VSX2: variants seen among roughly 807,000 people sequenced by gnomAD.
The protein encoded by VSX2 is ceh-10 homeo domain containing homolog.
Under a neutral mutation model 32.1 loss-of-function variants are expected in VSX2, and 28 were observed. The ratio of observed to expected loss-of-function variants is 0.87; its 90% CI spans 0.65 to 1.20. VSX2 has a LOEUF of 1.20. Ranked by LOEUF, VSX2 falls within the 50% of genes most tolerant of loss-of-function variation. The probability of loss-of-function intolerance (pLI) is 0.00; values close to 1 mark genes in which losing one functional copy is unlikely to be tolerated. For missense variants in VSX2, 506 were observed against 488.7 expected (o/e 1.04, Z -0.33); for synonymous variants, 243 against 214.1 (o/e 1.14, Z -1.18).
intron 3 of VSX2, among the ~76,000 whole-genome samples, chr14:74,254,783 G>GTTTTTTT (rs1566887118): frequency 1.4e-5 from 1 of 72,388 alleles, no homozygotes; most frequent in African/African-American, 1.0e-4. Context: ...CCGAAAAGTG[G>GTTTTTTT]ATTTTTTTTT....
At chr14:74,248,411 G>C (rs186169240) in intron 3 of VSX2, among the ~76,000 whole-genome samples, 10 of 151,612 alleles carry the variant, frequency 6.6e-5, no homozygotes, top group Admixed American at 5.3e-4. Context: ...TCCTGGCCAG[G>C]TGCAGGGGCT....
chr14:74,256,569 C>T (rs2079263929), intron 3 of VSX2, among the ~76,000 whole-genome samples: 1 of 152,162 alleles, frequency 6.6e-6, no homozygotes, highest in Non-Finnish European at 1.5e-5. Flanking sequence ...AACCAAACCT[C>T]TCCAGCCCTC....
intron 3 of VSX2, among the ~76,000 whole-genome samples, chr14:74,251,441 ACT>A (rs999344195): frequency 9.2e-5 from 14 of 152,120 alleles, no homozygotes; most frequent in African/African-American, 2.4e-4. Flanking sequence ...CAAGAGCGAA[ACT>A]CTGTCTCAAA....
intron 2 of VSX2, among the ~76,000 whole-genome samples, chr14:74,241,575 C>T (rs2079150538): frequency 6.6e-6 from 1 of 152,238 alleles, no homozygotes; most frequent in Non-Finnish European, 1.5e-5. Flanking sequence ...CCCAGATCCC[C>T]GCACCAGTAC....
intron 4 of VSX2, 27 bp downstream of exon 4, chr14:74,259,809 C>T (rs746054121): frequency 6.9e-7 from 1 of 1,455,380 alleles, no homozygotes; most frequent in Non-Finnish European, 9.0e-7. Context: ...TCCTTGGGGT[C>T]CTGCCCTGCG....
chr14:74,240,755 C>G (rs1206536297), intron 1 of VSX2, among the ~76,000 whole-genome samples: 4 of 152,242 alleles, frequency 2.6e-5, no homozygotes, highest in Non-Finnish European at 4.4e-5. Flanking sequence ...CGGCAGCCCC[C>G]AGTCTTCCCG....
rs746144260 is a variant in VSX2 at position 74,239,733 on chromosome 14, C to T, written c.172C>T (p.Pro58Ser). The T allele has an allele frequency of 3.9e-6, 6 of 1,549,014 alleles. No individual in the cohort carries two copies. The African/African-American group carries it at 6.8e-5, about 18-fold the overall frequency. ...HPRAALDGLA[P>S]GHLLAARSVL... ...GCGGGCAGCGCTCGACGGCCTGGCC[C>T]CCGGGCACTTGCTGGCGGCGCGCTC... The change falls in exon 1 of 5, where the codon CCC becomes TCC. Residue 58 changes from proline to serine, a missense_variant. Transcript: ENST00000261980.
At chr14:74,239,970 G>A (rs1051835018) in intron 1 of VSX2, 39 bp downstream of exon 1, 8 of 1,542,764 alleles carry the variant, frequency 5.2e-6, no homozygotes, top group Non-Finnish European at 7.0e-6. Flanking sequence ...TGACTGGGGG[G>A]CGACAGCCGG....
chr14:74,257,363 T>G (rs1239346774), intron 3 of VSX2, among the ~76,000 whole-genome samples: 2 of 152,162 alleles, frequency 1.3e-5, no homozygotes, highest in Non-Finnish European at 2.9e-5. Flanking sequence ...AGCCCCCCAG[T>G]TTTGCGCGGG....
Position 74,240,071 on chromosome 14 carries a change from C to G in VSX2, c.370+140C>G, listed in dbSNP as rs959092950. The G allele has an allele frequency of 5.2e-6, 6 of 1,156,944 alleles. No individual in the cohort carries two copies. In the African/African-American group the frequency reaches 9.5e-5, roughly 18 times the overall value. The allele number at this position is 1,156,944 out of a possible 1,614,324, so 71.7% of individuals were successfully genotyped here. On this transcript the variant is annotated intron_variant, in intron 1 of 4. Transcript: ENST00000261980. The stretch of plus-strand genomic sequence containing the variant: ...CGGGGGTCGCCGCCTGGGCCTTGGG[C>G]CGACGCGCCTGGTGATGGGGCCCGG...
intron 3 of VSX2, 120 bp downstream of exon 3, chr14:74,245,408 A>T: frequency 7.2e-7 from 1 of 1,394,604 alleles, no homozygotes; most frequent in Non-Finnish European, 9.9e-7. Context: ...GTGCTTGCCT[A>T]TGATCATGTT....
intron 2 of VSX2, among the ~76,000 whole-genome samples, 157 bp from the exon 3 acceptor site, chr14:74,245,000 GAGAGAGAC>G (rs1360434523): frequency 1.6e-5 from 2 of 127,698 alleles, no homozygotes; most frequent in Admixed American, 7.9e-5. Flanking sequence ...GAGAGAGAGA[GAGAGAGAC>G]AGAGAGAGAG....
At chr14:74,245,888 G>C (rs952212950) in intron 3 of VSX2, among the ~76,000 whole-genome samples, 9 of 152,226 alleles carry the variant, frequency 5.9e-5, no homozygotes, top group African/African-American at 2.2e-4. Flanking sequence ...TAGGATGTGA[G>C]CTGGGGCATG....
At chr14:74,257,110 AACACAGCTAGTCGGGC>A (rs1398562868) in intron 3 of VSX2, among the ~76,000 whole-genome samples, 3 of 152,184 alleles carry the variant, frequency 2.0e-5, no homozygotes, top group Admixed American at 6.5e-5. Flanking sequence ...GGCCCCGGGT[AACACAGCTAGTCGGGC>A]ACACATCCTG....
At chr14:74,242,957 G>C (rs979832799) in intron 2 of VSX2, among the ~76,000 whole-genome samples, 2 of 152,148 alleles carry the variant, frequency 1.3e-5, no homozygotes, top group East Asian at 3.8e-4. Flanking sequence ...ACCTTTGGGG[G>C]TTTTGGTGGG....
intron 1 of VSX2, 127 bp from the exon 2 acceptor site, chr14:74,241,055 G>T (rs1015208133): frequency 2.9e-5 from 27 of 946,582 alleles, no homozygotes; most frequent in South Asian, 2.0e-4. Flanking sequence ...GCGCCCGCAG[G>T]CTTCCTGGGG....
At chr14:74,241,049 C>T in intron 1 of VSX2, 133 bp from the exon 2 acceptor site, 1 of 886,938 alleles carries the variant, frequency 1.1e-6, no homozygotes, top group Non-Finnish European at 1.8e-6. Context: ...ACCGGGGCGC[C>T]CGCAGGCTTC....
intron 3 of VSX2, among the ~76,000 whole-genome samples, chr14:74,256,582 TG>T (rs1332855403): frequency 6.6e-6 from 1 of 151,998 alleles, no homozygotes; most frequent in Non-Finnish European, 1.5e-5. Flanking sequence ...CAGCCCTCTG[TG>T]GTCACACTTG....
In VSX2 at chr14:74,239,690, G is replaced by A; in HGVS notation, c.129G>A (p.Glu43=). ...AGGAGATCCTGGGCTTGAACAAGGA[G>A]CCCCCGAGCTCCCACCCGCGGGCAG... The part of the protein sequence containing the change: ...GIQEILGLNK[E]PPSSHPRAAL... Residue 43 remains glutamate (E), a synonymous_variant, in exon 1 of 5, where the codon GAG becomes GAA. Coordinates refer to ENST00000261980, the MANE Select transcript of VSX2 (RefSeq NM_182894.3). 1 of 1,550,018 alleles carries A rather than the reference G, an allele frequency of 6.5e-7. No individual in the cohort carries two copies.
Sources: allele counts gnomAD v4.1 joint callset (sites outside exome capture counted in the v4.1 genomes callset), GRCh38; gene constraint gnomAD v4.1.1; transcripts MANE v1.5; gene names NCBI Gene and HGNC (gene_info 2026-07-23, HGNC 2026-07-21).